Variants in DNER observed in about 807,000 individuals in gnomAD.
DNER encodes delta/notch like EGF repeat containing.
A neutral mutation model predicts 78.2 loss-of-function variants in DNER; 33 were observed. The observed-to-expected ratio is 0.42, with a 90% CI of 0.32 to 0.56. DNER has a LOEUF of 0.56. Among genes scored for constraint, DNER ranks in the 20% least tolerant of loss-of-function variants. The probability of loss-of-function intolerance (pLI) is 0.11; values close to 1 mark genes in which losing one functional copy is unlikely to be tolerated. For missense variants in DNER, 918 were observed against 975.3 expected (o/e 0.94, Z 0.78); for synonymous variants, 417 against 384.8 (o/e 1.08, Z -0.98).
intron 6 of DNER, among the ~76,000 whole-genome samples, chr2:229,502,939 C>A (rs1038149345): frequency 6.6e-6 from 1 of 152,228 alleles, no homozygotes; most frequent in Admixed American, 6.5e-5. Context: ...GAGGGGATAG[C>A]GAGAATGCTG....
Position 229,714,306 on chromosome 2 carries a change from C to T in DNER, c.118G>A (p.Ala40Thr). Residue 40 changes from alanine (A) to threonine (T), a missense_variant, in exon 1 of 13, where the codon GCG becomes ACG. Coordinates refer to ENST00000341772, the MANE Select transcript of DNER (RefSeq NM_139072.4). ...CACGGCCCGGGCGCAGACAGGGGCG[C>T]GGCGGGCACCGGGTTGGCCAGGGAG... is the stretch of plus-strand genomic sequence containing the variant. Reference protein sequence around the residue: ...GSSLANPVPAAPLSAPGPCAA... With the variant: ...GSSLANPVPATPLSAPGPCAA... 7.7e-7 allele frequency: 1 copy of T among 1,299,078 alleles called. No individual in the cohort carries two copies. The highest frequency in any genetic ancestry group is 2.4e-5 in the South Asian group (1 of 41,892). The allele number at this position is 1,299,078 out of a possible 1,614,324, so 80.5% of individuals were successfully genotyped here.
chr2:229,428,029 C>T (rs1294435092), intron 8 of DNER, among the ~76,000 whole-genome samples: 3 of 145,814 alleles, frequency 2.1e-5, no homozygotes, highest in Non-Finnish European at 3.0e-5. Flanking sequence ...GAGCTGGGAT[C>T]GCACCACTGC....
rs1574917275 is a variant in DNER at position 229,591,720 on chromosome 2, C to G, written c.445G>C (p.Ala149Pro). 2.5e-6 allele frequency: 4 copies of G among 1,614,038 alleles called. No homozygotes were observed. The African/African-American group carries it at 5.3e-5, about 22-fold the overall frequency. ...LPATGWTESM[A>P]PRQLQPVPAT... ...GGAACAGGCTGAAGCTGTCGGGGTG[C>G]CATGGATTCGGTCCAGCCAGTGGCT... Residue 149 changes from alanine (A) to proline (P), a missense_variant, in exon 2 of 13, where the codon GCA (alanine) becomes CCA (proline). Coordinates refer to ENST00000341772, the MANE Select transcript of DNER (RefSeq NM_139072.4). This position sits in a 1 kb window ranked among gnomAD's most constrained non-coding sequence, Gnocchi z 4.6.
intron 11 of DNER, among the ~76,000 whole-genome samples, chr2:229,369,649 C>T (rs954481644): frequency 6.6e-6 from 1 of 152,078 alleles, no homozygotes; most frequent in Non-Finnish European, 1.5e-5. Context: ...TGAGCATGGC[C>T]CTGTGTCCTT....
intron 1 of DNER, among the ~76,000 whole-genome samples, chr2:229,654,603 T>C (rs937774513): frequency 1.3e-4 from 20 of 152,220 alleles, no homozygotes; most frequent in Non-Finnish European, 2.8e-4. Context: ...AGCCAAGCCC[T>C]TTCCAGAGAA....
chr2:229,594,934 T>G (rs1697679260), intron 1 of DNER, among the ~76,000 whole-genome samples: 1 of 121,954 alleles, frequency 8.2e-6, no homozygotes, highest in Non-Finnish European at 1.6e-5. Flanking sequence ...GTACCAGGTC[T>G]CGGTATAAAA....
chr2:229,510,319 C>A (rs1695839426), intron 6 of DNER, among the ~76,000 whole-genome samples: 1 of 152,204 alleles, frequency 6.6e-6, no homozygotes, highest in South Asian at 2.1e-4. Context: ...CGAAGGGATG[C>A]CCTGCAGCCA....
intron 10 of DNER, among the ~76,000 whole-genome samples, chr2:229,403,140 A>G (rs1237755103): frequency 6.6e-6 from 1 of 152,244 alleles, no homozygotes; most frequent in African/African-American, 2.4e-5. Flanking sequence ...CACTCGGTCA[A>G]GCAGAGAGTT....
chr2:229,627,297 A>G (rs72993212), intron 1 of DNER, among the ~76,000 whole-genome samples: 3,155 of 152,334 alleles, frequency 0.021, 43 homozygotes, highest in Middle Eastern at 0.034. Context: ...ATCACCCTGT[A>G]TTTTATAAAT....
At chr2:229,517,331 A>G (rs1695999779) in intron 5 of DNER, among the ~76,000 whole-genome samples, 1 of 152,174 alleles carries the variant, frequency 6.6e-6, no homozygotes, top group African/African-American at 2.4e-5. Flanking sequence ...AAAATGAATG[A>G]GAAAGTGGTA....
chr2:229,424,708 T>C (rs1693837542), intron 8 of DNER, among the ~76,000 whole-genome samples: 1 of 152,148 alleles, frequency 6.6e-6, no homozygotes. Flanking sequence ...CCAAAGACAT[T>C]GGAGGTTACA....
chr2:229,535,542 T>C (rs1244255261), intron 5 of DNER, among the ~76,000 whole-genome samples: 1 of 152,192 alleles, frequency 6.6e-6, no homozygotes, highest in East Asian at 1.9e-4. Context: ...GAAAAAGTGC[T>C]ACTATACTAT....
intron 11 of DNER, among the ~76,000 whole-genome samples, chr2:229,381,308 T>G (rs1414112702): frequency 6.6e-6 from 1 of 152,174 alleles, no homozygotes; most frequent in Non-Finnish European, 1.5e-5. Flanking sequence ...GGTACCTATG[T>G]CACCAGGGCC....
intron 8 of DNER, among the ~76,000 whole-genome samples, chr2:229,428,592 G>A (rs143130016): frequency 1.4e-3 from 212 of 151,854 alleles, no homozygotes; most frequent in Admixed American, 4.4e-3. Context: ...GGAGTGGAAG[G>A]GAACCATATT....
intron 8 of DNER, among the ~76,000 whole-genome samples, chr2:229,429,642 C>T (rs192571352): frequency 1.1e-4 from 16 of 152,250 alleles, no homozygotes; most frequent in Admixed American, 7.2e-4. Flanking sequence ...CCCTGAAGGA[C>T]GCCATTACCC....
At chr2:229,628,361 T>C (rs769476380) in intron 1 of DNER, among the ~76,000 whole-genome samples, 1 of 152,152 alleles carries the variant, frequency 6.6e-6, no homozygotes, top group Non-Finnish European at 1.5e-5. Context: ...TTTCCGAATG[T>C]CCAACCCATA....
At chr2:229,410,785 T>C (rs1490860020) in intron 9 of DNER, among the ~76,000 whole-genome samples, 1 of 152,228 alleles carries the variant, frequency 6.6e-6, no homozygotes, top group Non-Finnish European at 1.5e-5. Flanking sequence ...TATAAGTCTT[T>C]GTTGTTGTAA....
intron 5 of DNER, among the ~76,000 whole-genome samples, chr2:229,516,882 C>T (rs55899922): frequency 6.8e-4 from 102 of 150,624 alleles, no homozygotes; most frequent in African/African-American, 2.4e-3. Flanking sequence ...CCGAGGTGGG[C>T]GGATCACAAG....
intron 1 of DNER, among the ~76,000 whole-genome samples, chr2:229,667,390 T>C (rs1037572456): frequency 6.6e-6 from 1 of 152,146 alleles, no homozygotes; most frequent in Non-Finnish European, 1.5e-5. Flanking sequence ...GGAAGCGATG[T>C]ATGAGGCTGC....
Sources: gnomAD v4.1 joint callset for allele counts (sites outside exome capture counted in the v4.1 genomes callset) on GRCh38, gnomAD v4.1.1 for gene constraint, Gnocchi (gnomAD v3.1) non-coding constraint, MANE v1.5 for transcripts, NCBI Gene and HGNC (gene_info 2026-07-23, HGNC 2026-07-21) for gene names.